PIK3R6: variants seen among roughly 807,000 people sequenced by gnomAD.
The protein encoded by PIK3R6 is phosphoinositide-3-kinase regulatory subunit 6.
PIK3R6 carries 91 observed loss-of-function variants against 84.9 expected under a neutral mutation model. That is an observed-to-expected ratio of 1.07 (90% confidence interval 0.90 to 1.28). The LOEUF is 1.28. Among genes scored for constraint, PIK3R6 ranks in the 50% most tolerant of loss-of-function variants. The probability of loss-of-function intolerance (pLI) is 0.00; values close to 1 mark genes in which losing one functional copy is unlikely to be tolerated. For synonymous variants in PIK3R6, 416 were observed against 411.4 expected (o/e 1.01, Z -0.13); for missense variants, 996 against 985.1 (o/e 1.01, Z -0.15).
chr17:8,843,268 C>A (rs967939565), intron 2 of PIK3R6, among the ~76,000 whole-genome samples: 1 of 151,972 alleles, frequency 6.6e-6, no homozygotes, highest in Admixed American at 6.6e-5. Context: ...AGTCTTTTTT[C>A]TCTCTCCTCC....
chr17:8,830,405 ACTGT>A (rs1567589981), intron 9 of PIK3R6, among the ~76,000 whole-genome samples: 2 of 152,164 alleles, frequency 1.3e-5, no homozygotes, highest in Non-Finnish European at 2.9e-5. Context: ...CTCCGAGCAG[ACTGT>A]CTGCACACTG....
At chr17:8,840,681 A>T (rs2088648888) in intron 2 of PIK3R6, among the ~76,000 whole-genome samples, 1 of 147,928 alleles carries the variant, frequency 6.8e-6, no homozygotes, top group South Asian at 2.1e-4. Context: ...ATATATATAA[A>T]ATATATATAT....
rs79102033 is a variant in PIK3R6 at position 8,815,734 on chromosome 17, T to C, written c.1995+3349A>G. The stretch of plus-strand genomic sequence containing the variant: ...GAAGGCTACAAGCTCAGTGAAAGAC[T>C]AGAAAGCAAAATAAAACAAAAGACA... On this transcript the variant is annotated intron_variant, in intron 18 of 19. Coordinates refer to ENST00000619866, the MANE Select transcript of PIK3R6 (RefSeq NM_001010855.4). Among the ~76,000 whole-genome samples the C allele has an allele frequency of 1.6e-3, 238 of 152,128 alleles. 1 individual carries two copies. Among genetic ancestry groups the C allele is most frequent in the African/African-American group, 5.4e-3 (226 of 41,486 alleles).
chr17:8,850,419 T>TG (rs1162983675), intron 1 of PIK3R6, among the ~76,000 whole-genome samples: 1 of 152,208 alleles, frequency 6.6e-6, no homozygotes, highest in Non-Finnish European at 1.5e-5. Flanking sequence ...ATTAAGCTTA[T>TG]GAGGCAGGTT....
At position 8,833,164 on chromosome 17, in the gene PIK3R6, G is replaced by A. The variant is rs1046340944; in HGVS notation, c.646-119C>T. The A allele has an allele frequency of 6.6e-6, 9 of 1,357,606 alleles. No individual in the cohort carries two copies. In the African/African-American group the frequency reaches 1.3e-4, roughly 20 times the overall value. 84.1% of individuals were successfully genotyped at this position (1,357,606 alleles called of 1,614,324 possible). Reference sequence around the variant, plus strand: ...TGACACCTCTCCGCTGCCCCTGGGGGCCCGGCAGGAGCTTCCCCCGAAGGC... The same window carrying A: ...TGACACCTCTCCGCTGCCCCTGGGGACCCGGCAGGAGCTTCCCCCGAAGGC... On this transcript the variant is annotated intron_variant, in intron 8 of 19. Transcript: ENST00000619866.
At chr17:8,836,424 G>A in intron 7 of PIK3R6, 123 bp downstream of exon 7, 1 of 998,956 alleles carries the variant, frequency 1.0e-6, no homozygotes, top group Non-Finnish European at 1.5e-6. Flanking sequence ...TATCATGGCT[G>A]GGGAGGTCTG....
chr17:8,866,806 T>G (rs2089424124), intron 1 of PIK3R6, among the ~76,000 whole-genome samples: 1 of 152,132 alleles, frequency 6.6e-6, no homozygotes, highest in South Asian at 2.1e-4. Flanking sequence ...CCTGGCTCGC[T>G]GAGGACCCTG....
At chr17:8,809,075 A>C (rs1029705349) in intron 18 of PIK3R6, among the ~76,000 whole-genome samples, 2 of 152,216 alleles carry the variant, frequency 1.3e-5, no homozygotes, top group Non-Finnish European at 1.5e-5. Context: ...ATTGCCTAAA[A>C]GGAGAATCCC....
rs932239187 is a variant in PIK3R6 at position 8,862,732 on chromosome 17, C to G, written c.-92+4797G>C. ...TCATCTAAAAATTCCTCTCCCTCCC[C>G]CCGTAGCGCAAGAATACGACATTAC... On this transcript the variant is annotated intron_variant, in intron 1 of 19. Transcript: ENST00000619866. The surrounding 1 kb of genome is among the most constrained non-coding windows in gnomAD (Gnocchi z 4.3). Among the ~76,000 whole-genome samples the G allele has an allele frequency of 3.9e-5, 6 of 152,166 alleles. No individual in the cohort carries two copies. Among genetic ancestry groups the G allele is most frequent in the African/African-American group, 9.7e-5 (4 of 41,416 alleles).
chr17:8,838,443 G>A lies in PIK3R6; in HGVS notation c.189+121C>T, dbSNP rs558010414. 10 of 802,670 alleles carry A rather than the reference G, an allele frequency of 1.2e-5. No homozygotes were observed. The South Asian group carries it at 1.6e-4, about 13-fold the overall frequency. The allele number at this position is 802,670 out of a possible 1,614,324, so 49.7% of individuals were successfully genotyped here. A position where few individuals can be genotyped will look rare whatever the true frequency, so the allele number is the denominator to read the frequency against. ...AAAGTACAGGAGGGAGATGCATATG[G>A]TAAAAATCATGCAGGCAACCAAAGC... On this transcript the variant is annotated intron_variant, in intron 4 of 19. Coordinates refer to ENST00000619866, the MANE Select transcript of PIK3R6 (RefSeq NM_001010855.4).
rs1440241863 is a variant in PIK3R6 at position 8,832,186 on chromosome 17, A to C, written c.802+703T>G. Among the ~76,000 whole-genome samples the C allele has an allele frequency of 2.0e-5, 3 of 152,118 alleles. No individual in the cohort carries two copies. In the East Asian group the frequency reaches 5.8e-4, roughly 29 times the overall value. ...TGGGCAAGATATTTAACCTCTTTCT[A>C]ACTCAGTTTCGTCCTCTGTAAAATG... is the stretch of plus-strand genomic sequence containing the variant. On this transcript the variant is annotated intron_variant, in intron 9 of 19. Coordinates refer to ENST00000619866, the MANE Select transcript of PIK3R6 (RefSeq NM_001010855.4).
At chr17:8,820,231 T>G (rs1468692362) in intron 17 of PIK3R6, among the ~76,000 whole-genome samples, 1 of 151,800 alleles carries the variant, frequency 6.6e-6, no homozygotes, top group Admixed American at 6.6e-5. Flanking sequence ...TAAAGAGGGT[T>G]TGTAGAAGTC....
intron 1 of PIK3R6, among the ~76,000 whole-genome samples, chr17:8,854,889 A>G (rs965010360): frequency 3.3e-5 from 5 of 152,206 alleles, no homozygotes; most frequent in Non-Finnish European, 5.9e-5. Context: ...TATGACAGAT[A>G]CCTTTAACAA....
Position 8,836,617 on chromosome 17 carries a change from C to T in PIK3R6, c.392-1G>A. The T allele has an allele frequency of 1.2e-6, 2 of 1,613,978 alleles. No individual in the cohort carries two copies. The highest frequency in any genetic ancestry group is 1.7e-6 in the Non-Finnish European group (2 of 1,179,894). On this transcript the variant is annotated splice_acceptor_variant, in intron 6 of 19. Transcript: ENST00000619866. LOFTEE classifies it high-confidence loss of function. ...ATGACCATCCTTTGGTACAGTGTCC[C>T]TGCAAACCAGACCACTTTGGCCAAA... is the stretch of plus-strand genomic sequence containing the variant.
At chr17:8,863,872 G>A (rs1481971513) in intron 1 of PIK3R6, among the ~76,000 whole-genome samples, 2 of 152,142 alleles carry the variant, frequency 1.3e-5, no homozygotes, top group African/African-American at 4.8e-5. Flanking sequence ...TCCTGAGGAG[G>A]TGCCATTTGA....
chr17:8,828,999 G>A lies in PIK3R6; in HGVS notation c.890-9C>T, dbSNP rs377227908. 2.0e-6 allele frequency: 3 copies of A among 1,494,298 alleles called. No individual in the cohort carries two copies. The highest frequency in any genetic ancestry group is 2.8e-5 in the African/African-American group (2 of 70,404). The allele number at this position is 1,494,298 out of a possible 1,614,324, so 92.6% of individuals were successfully genotyped here. On this transcript the variant is annotated splice_polypyrimidine_tract_variant and intron_variant, in intron 10 of 19. Transcript: ENST00000619866. ...GAGCACCAGTTCCTTCCCTGGGGTG[G>A]GGGAACAAGGGCGGTGAGGACACGT... is the stretch of plus-strand genomic sequence containing the variant.
rs1232718133 is a variant in PIK3R6 at position 8,810,804 on chromosome 17, G to A, written c.1996-6651C>T. On this transcript the variant is annotated intron_variant, in intron 18 of 19. Transcript: ENST00000619866. ...GGTCTTGGACAGCTCTGCCCCTATG[G>A]CTTTGCAGGGTTCTGCCTCCCTCCC... 7.5e-4 allele frequency among the ~76,000 whole-genome samples: 111 copies of A among 148,868 alleles called. 5 individuals are homozygous for A. The highest frequency in any genetic ancestry group is 2.4e-4 in the Non-Finnish European group (16 of 67,948).
In PIK3R6 at chr17:8,836,389, C is replaced by T. The variant is rs532383773; in HGVS notation, c.461+158G>A. ...ACAATATGGCGCCAACCTTGAATGG[C>T]AAACGCACCCCACTGCTGGACAAAT... On this transcript the variant is annotated intron_variant, in intron 7 of 19. Coordinates refer to ENST00000619866, the MANE Select transcript of PIK3R6 (RefSeq NM_001010855.4). 4.6e-5 allele frequency among the ~76,000 whole-genome samples: 7 copies of T among 152,328 alleles called. No homozygotes were observed. The South Asian group carries it at 1.2e-3, about 27-fold the overall frequency.
Position 8,839,615 on chromosome 17 carries a change from T to G in PIK3R6, c.96A>C (p.Gln32His). The change falls in exon 3 of 20, where the codon CAA becomes CAC. Residue 32 changes from glutamine to histidine, a missense_variant and splice_region_variant. Gln to His is a conservative substitution (Grantham distance 24, BLOSUM62 0). Transcript: ENST00000619866. The surrounding 1 kb of genome is among the most constrained non-coding windows in gnomAD (Gnocchi z 4.2). ...STQAPALQSN[Q>H]GMWRWSLHKK... ...CTGCTGCTGCCAGCTGGCTCTTACC[T>G]TGGTTGCTCTGCAGGGCAGGGGCCT... is the stretch of plus-strand genomic sequence containing the variant. The G allele has an allele frequency of 6.4e-7, 1 of 1,567,938 alleles. No homozygotes were observed. The highest frequency in any genetic ancestry group is 8.6e-7 in the Non-Finnish European group (1 of 1,156,182).
Sources: gnomAD v4.1 joint callset for allele counts (sites outside exome capture counted in the v4.1 genomes callset) on GRCh38, gnomAD v4.1.1 for gene constraint, Gnocchi (gnomAD v3.1) non-coding constraint, MANE v1.5 for transcripts, NCBI Gene and HGNC (gene_info 2026-07-23, HGNC 2026-07-21) for gene names.